Variants in ARHGEF9 observed in about 807,000 individuals in gnomAD.
ARHGEF9 encodes Cdc42 guanine nucleotide exchange factor 9, also known as rho guanine nucleotide exchange factor 9.
Under a neutral mutation model 41.3 loss-of-function variants are expected in ARHGEF9, and 2 were observed. The observed-to-expected ratio is 0.05, with a 90% CI of 0.02 to 0.15. The LOEUF (loss-of-function observed/expected upper bound fraction) is 0.15. ARHGEF9 is among the 10% of genes least tolerant of loss of function. ARHGEF9 has a pLI of 1.00. For synonymous variants in ARHGEF9, 160 were observed against 154.4 expected, an observed-to-expected ratio of 1.04 and a Z score of -0.27; for missense variants, 225 against 424.7, an observed-to-expected ratio of 0.53 and a Z score of 4.13.
rs1277489313 is a variant in ARHGEF9, at chrX:63,721,041, T to C, written c.210+3491A>G. ...CCCACTTACCCCTTGTCTCAATTTGTTTCACTCACTTAATTGGCCCCTGTA... is the reference window on the plus strand; with the variant it reads ...CCCACTTACCCCTTGTCTCAATTTGCTTCACTCACTTAATTGGCCCCTGTA... On this transcript the variant is annotated intron_variant, in intron 2 of 9. Transcript: ENST00000671741. Among the ~76,000 whole-genome samples the C allele has an allele frequency of 2.7e-5, 3 of 111,561 alleles. No homozygotes were observed. The Admixed American group carries it at 2.9e-4, about 11-fold the overall frequency.
chrX:63,665,094 T>C (rs1278968682), intron 7 of ARHGEF9, among the ~76,000 whole-genome samples: 1 of 112,386 alleles, frequency 8.9e-6, no homozygotes, highest in Non-Finnish European at 1.9e-5. Context: ...TTACTTTCCT[T>C]GGTCCCCAAT....
intron 1 of ARHGEF9, among the ~76,000 whole-genome samples, chrX:63,748,839 C>G (rs1470689388): frequency 1.8e-5 from 2 of 112,079 alleles, no homozygotes; most frequent in Non-Finnish European, 3.8e-5. Flanking sequence ...ATTTCACAGA[C>G]AAAACAAAGT....
intron 1 of ARHGEF9, chrX:63,755,280 C>T: frequency 1.1e-6 from 1 of 907,743 alleles, no homozygotes; most frequent in Non-Finnish European, 1.4e-6. Context: ...GCGTGCTAGC[C>T]GCGACCGCCA....
intron 8 of ARHGEF9, among the ~76,000 whole-genome samples, chrX:63,652,190 A>G (rs1261163560): frequency 8.9e-6 from 1 of 111,948 alleles, no homozygotes; most frequent in Non-Finnish European, 1.9e-5. Context: ...TTATTGCAGC[A>G]ATATCTGTAG....
At chrX:63,638,295 A>G in intron 9 of ARHGEF9, 86 bp from the exon 10 acceptor site, 7 of 859,899 alleles carry the variant, frequency 8.1e-6, no homozygotes, top group Non-Finnish European at 1.2e-5. Flanking sequence ...CTCTGGGCAG[A>G]CAACTCAAGG....
intron 5 of ARHGEF9, among the ~76,000 whole-genome samples, chrX:63,677,478 C>T (rs2050329599): frequency 9.0e-6 from 1 of 111,651 alleles, no homozygotes; most frequent in Non-Finnish European, 1.9e-5. Context: ...CCTTCAAATC[C>T]GAGCTACTCT....
chrX:63,709,591 C>T (rs1475959793), intron 2 of ARHGEF9, among the ~76,000 whole-genome samples: 2 of 112,070 alleles, frequency 1.8e-5, no homozygotes, highest in Non-Finnish European at 1.9e-5. Context: ...ATCACATTGA[C>T]TGGCTAATCC....
chrX:63,640,926 T>C (rs1195312218), intron 9 of ARHGEF9: 3 of 111,953 alleles, frequency 2.7e-5, no homozygotes, highest in Non-Finnish European at 5.6e-5. Flanking sequence ...AATTCCTACA[T>C]TTGAGAACCA....
At chrX:63,724,816 G>T in intron 1 of ARHGEF9, 105 bp from the exon 2 acceptor site, 1 of 828,809 alleles carries the variant, frequency 1.2e-6, no homozygotes, top group South Asian at 2.2e-5. Flanking sequence ...ATATACTCAA[G>T]TGGTGAGAGA....
intron 1 of ARHGEF9, among the ~76,000 whole-genome samples, chrX:63,741,781 G>A (rs1463461079): frequency 2.7e-5 from 3 of 112,614 alleles, no homozygotes; most frequent in African/African-American, 9.7e-5. Flanking sequence ...TCCTGCCTGT[G>A]CTGAGAATGT....
chrX:63,719,855 G>A (rs1411300094), intron 2 of ARHGEF9: 1 of 293,804 alleles, frequency 3.4e-6, no homozygotes, highest in East Asian at 4.8e-5. Flanking sequence ...GGCTGTGGCT[G>A]CCTTTGTTGA....
chrX:63,703,956 C>A (rs1344977150), intron 3 of ARHGEF9, among the ~76,000 whole-genome samples: 1 of 111,057 alleles, frequency 9.0e-6, no homozygotes, highest in Non-Finnish European at 1.9e-5. Flanking sequence ...ATTAGTAATG[C>A]TGAAGGAAAA....
chrX:63,785,073 C>T (rs782807633), intron 1 of ARHGEF9, 43 bp downstream of exon 1: 2 of 1,161,704 alleles, frequency 1.7e-6, no homozygotes, highest in Non-Finnish European at 2.3e-6. Flanking sequence ...GGCTGGGGGA[C>T]TGAGAGGCTC....
At chrX:63,701,885 G>T (rs1286435451) in intron 3 of ARHGEF9, among the ~76,000 whole-genome samples, 1 of 111,918 alleles carries the variant, frequency 8.9e-6, no homozygotes, top group Non-Finnish European at 1.9e-5. Flanking sequence ...ATTTTAGGCT[G>T]ACTAGCTGAC....
At position 63,637,949 on chromosome X, in the gene ARHGEF9, G is replaced by A; in HGVS notation, c.*79C>T. ...GTGTGTGTGTGTATAAATTTCAACA[G>A]TGCTTCTCCGAAAAAAGGTCCATCT... On this transcript the variant is annotated 3_prime_UTR_variant, in exon 10 of 10. Transcript: ENST00000671741. 1.1e-6 allele frequency: 1 copy of A among 949,816 alleles called. No homozygotes were observed. Among genetic ancestry groups the A allele is most frequent in the Non-Finnish European group, 1.4e-6 (1 of 697,728 alleles). 78.3% of individuals were successfully genotyped at this position (949,816 alleles called of 1,213,427 possible). A position where few individuals can be genotyped will look rare whatever the true frequency, so the allele number is the denominator to read the frequency against.
chrX:63,743,858 G>T (rs1337568252), intron 1 of ARHGEF9, among the ~76,000 whole-genome samples: 1 of 112,017 alleles, frequency 8.9e-6, no homozygotes, highest in Admixed American at 9.5e-5. Flanking sequence ...AGCAGCGAGT[G>T]TGTGACTGCA....
At chrX:63,732,102 C>T (rs1401349295) in intron 1 of ARHGEF9, 2 of 112,328 alleles carry the variant, frequency 1.8e-5, no homozygotes, top group African/African-American at 3.2e-5. Context: ...GCTGGCAACA[C>T]AGTCAGACTA....
At chrX:63,679,885 G>T (rs781786995) in intron 4 of ARHGEF9, among the ~76,000 whole-genome samples, 2 of 111,633 alleles carry the variant, frequency 1.8e-5, no homozygotes, top group South Asian at 3.7e-4. Flanking sequence ...ACTGAAAAAA[G>T]AAGAAATTAA....
chrX:63,759,553 A>G (rs1327888884), intron 1 of ARHGEF9, among the ~76,000 whole-genome samples: 1 of 111,959 alleles, frequency 8.9e-6, no homozygotes, highest in East Asian at 2.8e-4. Context: ...TGTTGTCACT[A>G]CTTCTACCAC....
Sources: gnomAD v4.1 joint callset for allele counts (sites outside exome capture counted in the v4.1 genomes callset) on GRCh38, gnomAD v4.1.1 for gene constraint, MANE v1.5 for transcripts, NCBI Gene and HGNC (gene_info 2026-07-23, HGNC 2026-07-21) for gene names.